Variants in HYAL4 observed in about 807,000 individuals in gnomAD.
HYAL4 encodes hyaluronidase-4.
HYAL4 carries 37 observed loss-of-function variants against 35.2 expected under a neutral mutation model. That is an observed-to-expected ratio of 1.05 (90% CI 0.81 to 1.38). The LOEUF (loss-of-function observed/expected upper bound fraction) is 1.38, where lower values mean the gene tolerates loss of function less well. Among genes scored for constraint, HYAL4 ranks in the 40% most tolerant of loss-of-function variants. HYAL4 has a pLI of 0.00. For synonymous variants in HYAL4, 198 were observed against 203.2 expected (o/e 0.97, Z 0.22); for missense variants, 572 against 572.4 (o/e 1.00, Z 0.01).
chr7:123,802,122 A>G, the HYAL4 span, among the ~76,000 whole-genome samples: 1 of 152,214 alleles, frequency 6.6e-6, no homozygotes, highest in South Asian at 2.1e-4. Flanking sequence ...AAAGAAACCA[A>G]TGTAATGCCT....
the HYAL4 span, among the ~76,000 whole-genome samples, chr7:123,822,332 G>A: frequency 6.6e-6 from 1 of 151,972 alleles, no homozygotes; most frequent in Non-Finnish European, 1.5e-5. Flanking sequence ...ATATTATGTA[G>A]TTTTTGATGT....
upstream of HYAL4, among the ~76,000 whole-genome samples, chr7:123,841,076 A>G (rs1245630000): frequency 6.6e-6 from 1 of 151,918 alleles, no homozygotes; most frequent in African/African-American, 2.4e-5. Flanking sequence ...GGTTTTCAAC[A>G]GGAATGCTTC....
intron 2 of HYAL4, among the ~76,000 whole-genome samples, chr7:123,863,057 C>G (rs559347822): frequency 6.6e-6 from 1 of 152,222 alleles, no homozygotes; most frequent in African/African-American, 2.4e-5. Flanking sequence ...GCTGACTCCT[C>G]TTATCCTTGG....
chr7:123,845,557 A>T lies in HYAL4; in HGVS notation c.-250A>T, dbSNP rs1806157577. The stretch of plus-strand genomic sequence containing the variant: ...GATTCCGCCTCTCATTTCTTGAGTC[A>T]TTTTTTTTAAATTTCCTTAAATTGG... On this transcript the variant is annotated 5_prime_UTR_variant, in exon 1 of 5. Coordinates refer to ENST00000223026, the MANE Select transcript of HYAL4 (RefSeq NM_012269.3). The T allele has an allele frequency of 6.6e-6, 1 of 151,562 alleles. No individual in the cohort carries two copies. The highest frequency in any genetic ancestry group is 1.5e-5 in the Non-Finnish European group (1 of 67,896). 9.4% of individuals were successfully genotyped at this position (151,562 alleles called of 1,614,324 possible).
At chr7:123,865,648 C>T (rs1806671063) in intron 2 of HYAL4, among the ~76,000 whole-genome samples, 1 of 152,120 alleles carries the variant, frequency 6.6e-6, no homozygotes, top group African/African-American at 2.4e-5. Context: ...TTGTGAATTA[C>T]TTAAAATTTT....
chr7:123,784,933 T>G, the HYAL4 span, among the ~76,000 whole-genome samples: 1 of 152,204 alleles, frequency 6.6e-6, no homozygotes, highest in South Asian at 2.1e-4. Context: ...ATCCTGCTAC[T>G]GTGTTAGGGA....
chr7:123,804,279 A>G, the HYAL4 span, among the ~76,000 whole-genome samples: 1 of 152,126 alleles, frequency 6.6e-6, no homozygotes, highest in Admixed American at 6.5e-5. Context: ...TTACTGATTC[A>G]CAGGTGTAAT....
chr7:123,815,589 T>C, the HYAL4 span, among the ~76,000 whole-genome samples: 2 of 152,172 alleles, frequency 1.3e-5, no homozygotes, highest in Non-Finnish European at 2.9e-5. Flanking sequence ...GAGACAGATA[T>C]TGTCTTTAGA....
At chr7:123,764,032 G>C in the HYAL4 span, among the ~76,000 whole-genome samples, 1,283 of 152,320 alleles carry the variant, frequency 8.4e-3, 19 homozygotes, top group African/African-American at 0.029. Context: ...GCCCAGGCTG[G>C]AATGCAATGG....
At chr7:123,875,975 C>T in intron 4 of HYAL4, 1 of 456,070 alleles carries the variant, frequency 2.2e-6, no homozygotes, top group Non-Finnish European at 4.4e-6. Context: ...TGCCTATGCC[C>T]ACATATGAGA....
chr7:123,833,583 A>T (rs534663207), intron 1 of HYAL4, among the ~76,000 whole-genome samples: 3 of 152,188 alleles, frequency 2.0e-5, no homozygotes, highest in Admixed American at 6.5e-5. Flanking sequence ...CTTTAGTTTA[A>T]TTAAGTTCCA....
chr7:123,796,532 AGGCAGTCTGTT>A, the HYAL4 span, among the ~76,000 whole-genome samples: 63 of 152,334 alleles, frequency 4.1e-4, 1 homozygote, highest in Non-Finnish European at 7.6e-4. Flanking sequence ...CCTAAAAATC[AGGCAGTCTGTT>A]GACACACAGA....
chr7:123,833,384 A>G lies in HYAL4; in HGVS notation c.-257+4260A>G, dbSNP rs182400595. Reference sequence around the variant, plus strand: ...GATGGCCCGTGTATATCTTCTTTTGATAGTTTTCTATTCATGTCCTAGCCC... The same window carrying G: ...GATGGCCCGTGTATATCTTCTTTTGGTAGTTTTCTATTCATGTCCTAGCCC... On this transcript the variant is annotated intron_variant, in intron 1 of 4. Transcript: ENST00000489978. 7.7e-5 allele frequency among the ~76,000 whole-genome samples: 9 copies of G among 116,676 alleles called. No homozygotes were observed. The East Asian group carries it at 1.8e-3, about 24-fold the overall frequency. The allele number at this position is 116,676 out of a possible 152,430, so 76.5% of individuals were successfully genotyped here. A position where few individuals can be genotyped will look rare whatever the true frequency, so the allele number is the denominator to read the frequency against.
the HYAL4 span, among the ~76,000 whole-genome samples, chr7:123,802,909 T>C: frequency 1.3e-5 from 2 of 152,238 alleles, no homozygotes; most frequent in African/African-American, 4.8e-5. Context: ...AAATCTGTCA[T>C]GACTGACCTT....
chr7:123,796,483 T>C, the HYAL4 span, among the ~76,000 whole-genome samples: 10 of 152,220 alleles, frequency 6.6e-5, no homozygotes, highest in African/African-American at 2.4e-4. Context: ...TGAGGCATAA[T>C]TTGCCCAAGA....
chr7:123,833,362 G>A (rs1805912801), intron 1 of HYAL4, among the ~76,000 whole-genome samples: 1 of 151,942 alleles, frequency 6.6e-6, no homozygotes, highest in East Asian at 1.9e-4. Context: ...TATGTTTGAT[G>A]GCCCGTGTAT....
the HYAL4 span, among the ~76,000 whole-genome samples, chr7:123,812,312 T>A: frequency 4.6e-5 from 7 of 152,270 alleles, no homozygotes; most frequent in African/African-American, 1.4e-4. Context: ...AAAATGTAGA[T>A]CTAGTTTTAT....
the HYAL4 span, among the ~76,000 whole-genome samples, chr7:123,773,523 G>T: frequency 6.6e-6 from 1 of 152,006 alleles, no homozygotes; most frequent in Non-Finnish European, 1.5e-5. Context: ...AATAACTACC[G>T]GGTACTTACA....
intron 4 of HYAL4, chr7:123,876,116 C>T (rs781236530): frequency 3.8e-4 from 170 of 449,496 alleles, no homozygotes; most frequent in Non-Finnish European, 6.9e-4. Flanking sequence ...GTTTAGAACA[C>T]GTAATAGGAA....
Sources: gnomAD v4.1 joint callset for allele counts (sites outside exome capture counted in the v4.1 genomes callset) on GRCh38, gnomAD v4.1.1 for gene constraint, MANE v1.5 for transcripts, NCBI Gene and HGNC (gene_info 2026-07-23, HGNC 2026-07-21) for gene names.